Variants in SLC35F2 observed in about 807,000 individuals in gnomAD.
The protein encoded by SLC35F2 is queuine/queuosine transporter SLC35F2.
In SLC35F2, 25 loss-of-function variants were observed where a neutral mutation model predicts 38.1. The ratio of observed to expected loss-of-function variants is 0.66; its 90% CI spans 0.48 to 0.92. The LOEUF (loss-of-function observed/expected upper bound fraction) is 0.92, where lower values mean the gene tolerates loss of function less well. Ranked by LOEUF, SLC35F2 falls within the 40% of genes least tolerant of loss-of-function variation. The probability of loss-of-function intolerance (pLI) is 0.00; values close to 1 mark genes in which losing one functional copy is unlikely to be tolerated. For missense variants in SLC35F2, 409 were observed against 452.9 expected (o/e 0.90, Z 0.88); for synonymous variants, 173 against 181.7 (o/e 0.95, Z 0.38).
At chr11:107,825,594 C>T (rs1171505195) in intron 1 of SLC35F2, among the ~76,000 whole-genome samples, 2 of 152,002 alleles carry the variant, frequency 1.3e-5, no homozygotes, top group East Asian at 3.9e-4. Flanking sequence ...TGGTCTCAAA[C>T]TCCTGACCTC....
chr11:107,827,570 G>A (rs1284936841), intron 1 of SLC35F2, among the ~76,000 whole-genome samples: 7 of 152,164 alleles, frequency 4.6e-5, no homozygotes, highest in African/African-American at 7.2e-5. Context: ...CCACCATGGC[G>A]AAACCCCATC....
In SLC35F2 at chr11:107,792,132, C is replaced by T. The variant is rs1352726262; in HGVS notation, c.*483G>A. 1 of 139,850 alleles carries T rather than the reference C, an allele frequency of 7.2e-6. No individual in the cohort carries two copies. The highest frequency in any genetic ancestry group is 1.5e-5 in the Non-Finnish European group (1 of 66,294). The allele number at this position is 139,850 out of a possible 1,614,324, so 8.7% of individuals were successfully genotyped here. A position where few individuals can be genotyped will look rare whatever the true frequency, so the allele number is the denominator to read the frequency against. ...TCAGCCCCAAGGCCTCATCTGTACCCAAAGGCCTGTGGACAATAACTGCCT... is the reference window on the plus strand; with the variant it reads ...TCAGCCCCAAGGCCTCATCTGTACCTAAAGGCCTGTGGACAATAACTGCCT... On this transcript the variant is annotated 3_prime_UTR_variant, in exon 8 of 8. Transcript: ENST00000525815.
At chr11:107,849,984 G>A (rs1042812732) in intron 1 of SLC35F2, among the ~76,000 whole-genome samples, 5 of 152,148 alleles carry the variant, frequency 3.3e-5, no homozygotes, top group African/African-American at 1.2e-4. Context: ...AGGCTGTCCA[G>A]CCAGCAATCA....
At chr11:107,858,565 G>C (rs1860335375) in intron 1 of SLC35F2, 93 bp downstream of exon 1, 7 of 1,124,624 alleles carry the variant, frequency 6.2e-6, no homozygotes, top group African/African-American at 4.8e-5. Context: ...CCCTGCTGGG[G>C]GCCTCAGAGA....
chr11:107,856,512 TG>T (rs1428794610), intron 1 of SLC35F2, among the ~76,000 whole-genome samples: 1 of 152,160 alleles, frequency 6.6e-6, no homozygotes, highest in African/African-American at 2.4e-5. Flanking sequence ...CTGGTCAACA[TG>T]GGGAAACCCC....
chr11:107,815,409 TAGCC>T (rs199895314), intron 2 of SLC35F2, among the ~76,000 whole-genome samples: 1,812 of 149,134 alleles, frequency 0.012, 57 homozygotes, highest in African/African-American at 0.043. Context: ...AAAAAAAAAT[TAGCC>T]AGGCATGGTG....
At chr11:107,797,365 G>A (rs1338869651) in intron 7 of SLC35F2, among the ~76,000 whole-genome samples, 2 of 151,160 alleles carry the variant, frequency 1.3e-5, no homozygotes, top group African/African-American at 4.9e-5. Flanking sequence ...AGGAGGGGGT[G>A]GAAGGAGTGA....
intron 1 of SLC35F2, among the ~76,000 whole-genome samples, chr11:107,836,739 T>C (rs79839062): frequency 0.54 from 82,254 of 151,564 alleles, 23,733 homozygotes; most frequent in African/African-American, 0.77. Context: ...GGAAGATGAA[T>C]GTTGGCTTTC....
intron 3 of SLC35F2, among the ~76,000 whole-genome samples, chr11:107,807,154 G>T (rs760636347): frequency 6.6e-6 from 1 of 151,898 alleles, no homozygotes; most frequent in Non-Finnish European, 1.5e-5. Context: ...TGGGATGACA[G>T]CTGGGCACGG....
intron 4 of SLC35F2, among the ~76,000 whole-genome samples, chr11:107,806,169 T>G (rs1203293279): frequency 6.6e-6 from 1 of 152,182 alleles, no homozygotes; most frequent in African/African-American, 2.4e-5. Flanking sequence ...TCCTCAGAAG[T>G]CTAACAGGCT....
At chr11:107,806,909 T>C (rs189303968) in intron 3 of SLC35F2, 33 bp from the exon 4 acceptor site, 962 of 1,594,948 alleles carry the variant, frequency 6.0e-4, no homozygotes, top group Non-Finnish European at 7.7e-4. Flanking sequence ...GTTTAAAACA[T>C]ATCTCTCATT....
chr11:107,802,242 A>AAAAAAAAAAAAAAAAAAAATAAAT (rs559048077), intron 7 of SLC35F2, among the ~76,000 whole-genome samples: 1 of 147,892 alleles, frequency 6.8e-6, no homozygotes, highest in African/African-American at 2.6e-5. Flanking sequence ...CATCTCAAAA[A>AAAAAAAAAAAAAAAAAAAATAAAT]AAATAAATAA....
At chr11:107,849,468 GTC>G (rs1860143171) in intron 1 of SLC35F2, among the ~76,000 whole-genome samples, 1 of 151,786 alleles carries the variant, frequency 6.6e-6, no homozygotes, top group South Asian at 2.1e-4. Context: ...GTGAAACCCC[GTC>G]TCTACTAAAA....
intron 1 of SLC35F2, among the ~76,000 whole-genome samples, chr11:107,854,491 T>C (rs1241154241): frequency 1.3e-5 from 2 of 152,162 alleles, no homozygotes; most frequent in Non-Finnish European, 2.9e-5. Flanking sequence ...CAGATACTCC[T>C]GGAAGTCTAT....
chr11:107,814,044 C>T (rs560580615), intron 2 of SLC35F2, among the ~76,000 whole-genome samples: 1 of 152,162 alleles, frequency 6.6e-6, no homozygotes, highest in African/African-American at 2.4e-5. Context: ...GTGCACAGTG[C>T]TGTCCTTGTT....
intron 1 of SLC35F2, among the ~76,000 whole-genome samples, chr11:107,852,882 A>G (rs1469050434): frequency 6.6e-6 from 1 of 151,704 alleles, no homozygotes; most frequent in Non-Finnish European, 1.5e-5. Context: ...CTCAAAAAAA[A>G]AAAAAAAAAA....
intron 1 of SLC35F2, among the ~76,000 whole-genome samples, chr11:107,853,293 C>T (rs1372779483): frequency 1.3e-5 from 2 of 152,104 alleles, no homozygotes; most frequent in Non-Finnish European, 2.9e-5. Context: ...ATCTTTATAG[C>T]ACTTATCATA....
At position 107,804,719 on chromosome 11, in the gene SLC35F2, A is replaced by G. The variant is rs1051298008; in HGVS notation, c.783T>C (p.Ile261=). The G allele has an allele frequency of 1.9e-6, 3 of 1,601,012 alleles. No individual in the cohort carries two copies. Among genetic ancestry groups the G allele is most frequent in the African/African-American group, 2.7e-5 (2 of 74,674 alleles). The change falls in exon 6 of 8, where the codon ATT becomes ATC. Residue 261 remains isoleucine (I), a splice_region_variant and synonymous_variant. Coordinates refer to ENST00000525815, the MANE Select transcript of SLC35F2 (RefSeq NM_017515.5). ...DIASIHWDWK[I]ALLFVAFALC... ...AAAAGGAATTATTTCTTTACATACC[A>G]ATTTTCCAGTCCCAATGAATGCTGG...
intron 1 of SLC35F2, among the ~76,000 whole-genome samples, chr11:107,857,127 G>A (rs1366453271): frequency 7.1e-6 from 1 of 141,070 alleles, no homozygotes; most frequent in East Asian, 2.3e-4. Context: ...GAGGAAGGAA[G>A]GGAGGAAGGA....
Sources: gnomAD v4.1 joint callset for allele counts (sites outside exome capture counted in the v4.1 genomes callset) on GRCh38, gnomAD v4.1.1 for gene constraint, MANE v1.5 for transcripts, NCBI Gene and HGNC (gene_info 2026-07-23, HGNC 2026-07-21) for gene names.